Variants in HMCN1 observed in about 807,000 individuals in gnomAD.
HMCN1 encodes the protein hemicentin 1.
A neutral mutation model predicts 625.9 loss-of-function variants in HMCN1; 321 were observed. The observed-to-expected ratio is 0.51, with a 90% CI of 0.47 to 0.56. The LOEUF is 0.56. Among genes scored for constraint, HMCN1 ranks in the 20% least tolerant of loss-of-function variants. The pLI is 0.00. For synonymous variants in HMCN1, 2,425 were observed against 2,417.6 expected, an observed-to-expected ratio of 1.00 and a Z score of -0.09; for missense variants, 6,588 against 6,887.3, an observed-to-expected ratio of 0.96 and a Z score of 1.54.
At chr1:186,062,639 C>A (rs760063941) in intron 48 of HMCN1, 39 bp downstream of exon 48, 20 of 1,319,770 alleles carry the variant, frequency 1.5e-5, no homozygotes, top group Middle Eastern at 1.8e-4. Flanking sequence ...GCTCCCCCCA[C>A]TCACTGATAG....
At chr1:185,803,448 G>T (rs941634712) in intron 1 of HMCN1, among the ~76,000 whole-genome samples, 3 of 152,058 alleles carry the variant, frequency 2.0e-5, no homozygotes, top group African/African-American at 7.2e-5. Flanking sequence ...GGTCATTTGA[G>T]CAGAAAGATC....
intron 15 of HMCN1, among the ~76,000 whole-genome samples, chr1:185,975,785 T>G (rs1651163867): frequency 6.6e-6 from 1 of 152,114 alleles, no homozygotes; most frequent in Admixed American, 6.6e-5. Context: ...TTTAACCTAA[T>G]TTAATTTTGT....
At chr1:185,831,429 A>G (rs1660854744) in intron 1 of HMCN1, among the ~76,000 whole-genome samples, 1 of 152,156 alleles carries the variant, frequency 6.6e-6, no homozygotes, top group South Asian at 2.1e-4. Flanking sequence ...TCAATCTCAA[A>G]TCCAGTATCA....
intron 11 of HMCN1, among the ~76,000 whole-genome samples, chr1:185,952,531 G>A (rs1025992894): frequency 4.0e-5 from 6 of 151,802 alleles, no homozygotes; most frequent in East Asian, 3.9e-4. Flanking sequence ...ATGCCTGGAC[G>A]TCAGGCACCT....
At chr1:186,115,556 A>G (rs1661096244) in intron 75 of HMCN1, 142 bp downstream of exon 75, 2 of 784,498 alleles carry the variant, frequency 2.5e-6, no homozygotes, top group South Asian at 1.6e-5. Flanking sequence ...CTTAATATGG[A>G]CTTAGTTTTT....
In HMCN1 at chr1:186,141,458, C is replaced by G. The variant is rs1326383677; in HGVS notation, c.13925-2715C>G. Among the ~76,000 whole-genome samples the G allele has an allele frequency of 2.6e-5, 4 of 152,302 alleles. No homozygotes were observed. The East Asian group carries it at 5.8e-4, about 22-fold the overall frequency. ...ATAGTTACTTCAAACTTATTTTGTA[C>G]TTTCCCTGCCCCAGTTAGTTAGAAG... On this transcript the variant is annotated intron_variant, in intron 89 of 106. Coordinates refer to ENST00000271588, the MANE Select transcript of HMCN1 (RefSeq NM_031935.3).
At chr1:185,983,533 TTAAAAA>T (rs1651803920) in intron 18 of HMCN1, among the ~76,000 whole-genome samples, 1 of 152,214 alleles carries the variant, frequency 6.6e-6, no homozygotes, top group African/African-American at 2.4e-5. Flanking sequence ...CAAACCTCAC[TTAAAAA>T]TAAATGTCCT....
chr1:186,064,768 C>G (rs1477096120), intron 48 of HMCN1, among the ~76,000 whole-genome samples: 2 of 148,504 alleles, frequency 1.3e-5, no homozygotes. Context: ...CGAGATCACA[C>G]CACTGCACTC....
intron 36 of HMCN1, among the ~76,000 whole-genome samples, chr1:186,033,116 TA>T (rs1655583544): frequency 6.6e-6 from 1 of 150,538 alleles, no homozygotes; most frequent in African/African-American, 2.5e-5. Context: ...TACTCAACCA[TA>T]AAAAGGAATG....
chr1:186,171,784 G>T (rs995705017), intron 101 of HMCN1, among the ~76,000 whole-genome samples: 1 of 151,920 alleles, frequency 6.6e-6, no homozygotes, highest in Non-Finnish European at 1.5e-5. Context: ...GATTGGTATG[G>T]CTACCTGCTC....
At chr1:185,878,001 G>A (rs541936526) in intron 4 of HMCN1, among the ~76,000 whole-genome samples, 1 of 152,078 alleles carries the variant, frequency 6.6e-6, no homozygotes, top group South Asian at 2.1e-4. Flanking sequence ...TTGTTTTTCT[G>A]TTGAATGGCT....
intron 40 of HMCN1, among the ~76,000 whole-genome samples, chr1:186,042,199 A>G (rs1656256266): frequency 6.6e-6 from 1 of 152,140 alleles, no homozygotes; most frequent in African/African-American, 2.4e-5. Context: ...TTCAGCCTCC[A>G]GATTTGCTTA....
chr1:186,127,873 G>A (rs947081297), intron 82 of HMCN1, among the ~76,000 whole-genome samples: 4 of 152,082 alleles, frequency 2.6e-5, no homozygotes, highest in Non-Finnish European at 5.9e-5. Flanking sequence ...TTATTGTTCT[G>A]AAAGGTATGG....
Position 186,093,101 on chromosome 1 carries a change from A to G in HMCN1, c.9888-33A>G, listed in dbSNP as rs1659931278. 5.6e-6 allele frequency: 9 copies of G among 1,612,614 alleles called. No individual in the cohort carries two copies. In the Admixed American group the frequency reaches 6.7e-5, roughly 12 times the overall value. On this transcript the variant is annotated intron_variant, in intron 64 of 106. Coordinates refer to ENST00000271588, the MANE Select transcript of HMCN1 (RefSeq NM_031935.3). ...TACTTAGTGAAATAGATTCAATCTCATCTCAGCCCCTCTGTTATGATCTTT... is the reference window on the plus strand; with the variant it reads ...TACTTAGTGAAATAGATTCAATCTCGTCTCAGCCCCTCTGTTATGATCTTT...
rs1657065374 is a variant in HMCN1 at position 186,052,972 on chromosome 1, T to C, written c.6598T>C (p.Ser2200Pro). 1.9e-6 allele frequency: 3 copies of C among 1,606,752 alleles called. No homozygotes were observed. The highest frequency in any genetic ancestry group is 1.7e-6 in the Non-Finnish European group (2 of 1,174,118). ...TCTAGTCCCCCCAAATATTGGTGGTTCTGATGAACTTACTCAACTTACAGT... is the reference window on the plus strand; with the variant it reads ...TCTAGTCCCCCCAAATATTGGTGGTCCTGATGAACTTACTCAACTTACAGT... ...NIWVPPNIGG[S>P]DELTQLTVIE... is the part of the protein sequence containing the mutation. Residue 2200 changes from serine (S) to proline (P), a missense_variant, in exon 43 of 107, where the codon TCT becomes CCT. Physicochemically the swap from Ser to Pro is moderately conservative, Grantham distance 74. This residue lies in a region of HMCN1 where 4,628 missense variants were observed against 4,853.1 expected (regional missense o/e 0.95). Transcript: ENST00000271588.
chr1:185,890,893 C>CT (rs1665027098), intron 4 of HMCN1, among the ~76,000 whole-genome samples: 1 of 48,182 alleles, frequency 2.1e-5, no homozygotes. Flanking sequence ...GTTGATCTGT[C>CT]TAATGTTGAC....
chr1:186,152,650 C>T, intron 95 of HMCN1, 100 bp from the exon 96 acceptor site: 3 of 1,447,904 alleles, frequency 2.1e-6, no homozygotes, highest in Admixed American at 3.4e-5. Context: ...CAAGTTTGAA[C>T]TCAAAAAGCA....
intron 1 of HMCN1, among the ~76,000 whole-genome samples, chr1:185,755,878 A>G (rs1256885845): frequency 6.6e-6 from 1 of 152,186 alleles, no homozygotes; most frequent in Non-Finnish European, 1.5e-5. Flanking sequence ...CTTAGAAAGC[A>G]TGGGCTCTTT....
At chr1:185,766,675 T>C (rs551327119) in intron 1 of HMCN1, among the ~76,000 whole-genome samples, 1 of 152,188 alleles carries the variant, frequency 6.6e-6, no homozygotes, top group South Asian at 2.1e-4. Context: ...TAGTTTAAGG[T>C]TGTTCTGAAC....
Sources: gnomAD v4.1 joint callset for allele counts (sites outside exome capture counted in the v4.1 genomes callset) on GRCh38, gnomAD v4.1.1 for gene constraint, gnomAD v4.1.1 regional missense constraint, MANE v1.5 for transcripts, NCBI Gene and HGNC (gene_info 2026-07-23, HGNC 2026-07-21) for gene names.